Variants in KRABD5 observed in about 807,000 individuals in gnomAD.
KRABD5 encodes KRAB domain containing 5.
At chr16:31,748,883 A>G in the KRABD5 span, among the ~76,000 whole-genome samples, 6 of 152,314 alleles carry the variant, frequency 3.9e-5, no homozygotes, top group African/African-American at 1.4e-4. Flanking sequence ...TGATGCCAGT[A>G]GGATTGCCCT....
At chr16:31,752,710 T>G in the KRABD5 span, among the ~76,000 whole-genome samples, 1 of 152,066 alleles carries the variant, frequency 6.6e-6, no homozygotes, top group Non-Finnish European at 1.5e-5. Flanking sequence ...TACAAAGAAC[T>G]TAAAAAATTA....
At chr16:31,723,361 G>A in the KRABD5 span, 7 of 1,609,634 alleles carry the variant, frequency 4.3e-6, no homozygotes, top group South Asian at 7.7e-5. Flanking sequence ...CAGGTAGGTG[G>A]GAGTGAATGA....
chr16:31,741,601 GTCT>G, the KRABD5 span, among the ~76,000 whole-genome samples: 1 of 151,958 alleles, frequency 6.6e-6, no homozygotes, highest in Non-Finnish European at 1.5e-5. Flanking sequence ...CTGCTTGTAT[GTCT>G]TCTTTTGAGA....
the KRABD5 span, among the ~76,000 whole-genome samples, chr16:31,742,903 T>C: frequency 1.3e-5 from 2 of 152,252 alleles, no homozygotes; most frequent in African/African-American, 4.8e-5. Flanking sequence ...TGCATTTATC[T>C]GATGATCAGT....
chr16:31,759,565 T>A, the KRABD5 span: 1 of 753,318 alleles, frequency 1.3e-6, no homozygotes, highest in Non-Finnish European at 2.2e-6. Flanking sequence ...CTTAAAAAAA[T>A]TAAATGGGTG....
At chr16:31,753,218 C>A in the KRABD5 span, among the ~76,000 whole-genome samples, 5 of 152,040 alleles carry the variant, frequency 3.3e-5, no homozygotes, top group African/African-American at 1.2e-4. Flanking sequence ...TTGCTTTTTT[C>A]TTTTTCTCTT....
chr16:31,753,100 T>C, the KRABD5 span, among the ~76,000 whole-genome samples: 3 of 152,212 alleles, frequency 2.0e-5, no homozygotes, highest in African/African-American at 7.2e-5. Flanking sequence ...TTTGTACATG[T>C]GAAAACTGAT....
chr16:31,727,061 GCTTAA>G, the KRABD5 span, among the ~76,000 whole-genome samples: 3 of 152,110 alleles, frequency 2.0e-5, no homozygotes, highest in African/African-American at 7.2e-5. Context: ...TGGATTGTTT[GCTTAA>G]CTTTTTTTCT....
chr16:31,733,412 A>C, the KRABD5 span: 1 of 424,410 alleles, frequency 2.4e-6, no homozygotes, highest in Non-Finnish European at 4.8e-6. Flanking sequence ...TGGTGAAAAC[A>C]TAATTGTCAT....
the KRABD5 span, among the ~76,000 whole-genome samples, chr16:31,721,978 C>T: frequency 1.6e-3 from 249 of 152,320 alleles, 2 homozygotes; most frequent in Admixed American, 3.1e-3. Context: ...ATGACTTTTC[C>T]ACCTGAGAAT....
At chr16:31,758,652 T>TC in the KRABD5 span, 1 of 151,782 alleles carries the variant, frequency 6.6e-6, no homozygotes, top group Non-Finnish European at 1.5e-5. Context: ...TGGGTACCTA[T>TC]AATCCCAGCT....
chr16:31,720,200 T>C, the KRABD5 span, among the ~76,000 whole-genome samples: 1 of 152,226 alleles, frequency 6.6e-6, no homozygotes, highest in Non-Finnish European at 1.5e-5. Context: ...GATGTTACTG[T>C]CCTCTCCAGC....
chr16:31,732,740 G>A, the KRABD5 span, among the ~76,000 whole-genome samples: 12,668 of 152,122 alleles, frequency 0.083, 743 homozygotes, highest in Middle Eastern at 0.15. Context: ...TGATAAAGAA[G>A]TCTTCCTAGT....
At chr16:31,713,519 G>A in the KRABD5 span, 2 of 1,520,072 alleles carry the variant, frequency 1.3e-6, no homozygotes, top group African/African-American at 1.4e-5. Context: ...TTAGCTTCGG[G>A]GTCTGGGCCC....
At chr16:31,757,966 G>C in the KRABD5 span, 3 of 152,230 alleles carry the variant, frequency 2.0e-5, no homozygotes, top group East Asian at 1.9e-4. Flanking sequence ...TAGATAGATA[G>C]ATAGATACAT....
chr16:31,715,699 G>A, the KRABD5 span, among the ~76,000 whole-genome samples: 1 of 152,288 alleles, frequency 6.6e-6, no homozygotes, highest in African/African-American at 2.4e-5. Context: ...CTCTGAACTT[G>A]TGGGGTCTGT....
chr16:31,715,246 TA>T, the KRABD5 span, among the ~76,000 whole-genome samples: 2 of 152,210 alleles, frequency 1.3e-5, no homozygotes, highest in African/African-American at 4.8e-5. Context: ...CCATCGAAGA[TA>T]AAACTCTTTA....
chr16:31,736,034 A>G, the KRABD5 span, among the ~76,000 whole-genome samples: 1 of 152,210 alleles, frequency 6.6e-6, no homozygotes, highest in Non-Finnish European at 1.5e-5. Context: ...AGTTTAGGGC[A>G]TTACATTTAA....
chr16:31,755,442 G>T, the KRABD5 span: 2 of 475,774 alleles, frequency 4.2e-6, no homozygotes, highest in East Asian at 6.6e-5. Flanking sequence ...AAACATCAGA[G>T]AATTCATACT....
Sources: allele counts gnomAD v4.1 joint callset (sites outside exome capture counted in the v4.1 genomes callset), GRCh38; gene constraint gnomAD v4.1.1; transcripts MANE v1.5; gene names NCBI Gene and HGNC (gene_info 2026-07-23, HGNC 2026-07-21).